Variants in SMIM31 observed in about 807,000 individuals in gnomAD.
SMIM31 encodes the protein small integral membrane protein 31, also known as human epithelial cell program regulator.
intron 1 of SMIM31, among the ~76,000 whole-genome samples, chr4:164,762,298 A>G (rs1304737701): frequency 6.6e-6 from 1 of 152,246 alleles, no homozygotes; most frequent in African/African-American, 2.4e-5. Flanking sequence ...ACCTAACATC[A>G]ACAGAAAGTC....
intron 1 of SMIM31, among the ~76,000 whole-genome samples, chr4:164,769,267 A>G (rs1732761062): frequency 6.6e-6 from 1 of 152,032 alleles, no homozygotes; most frequent in African/African-American, 2.4e-5. Flanking sequence ...CTGCTTCATC[A>G]CGTCTCCGTA....
At chr4:164,772,648 G>A (rs548973879) in intron 2 of SMIM31, among the ~76,000 whole-genome samples, 3 of 149,962 alleles carry the variant, frequency 2.0e-5, no homozygotes, top group Middle Eastern at 3.2e-3. Flanking sequence ...GCGCGATCTC[G>A]ACTCACTGCA....
At chr4:164,779,794 G>C (rs1164489582) in intron 2 of SMIM31, among the ~76,000 whole-genome samples, 1 of 152,124 alleles carries the variant, frequency 6.6e-6, no homozygotes, top group Non-Finnish European at 1.5e-5. Context: ...GGGATATAGA[G>C]GAATCAATAA....
intron 1 of SMIM31, among the ~76,000 whole-genome samples, chr4:164,767,651 G>A (rs4234975): frequency 0.46 from 70,433 of 151,778 alleles, 17,212 homozygotes; most frequent in Admixed American, 0.55. Flanking sequence ...GGCATCAGAA[G>A]CATCATCTTT....
chr4:164,799,195 G>T (rs1229785865), intron 2 of SMIM31, among the ~76,000 whole-genome samples: 1 of 151,942 alleles, frequency 6.6e-6, no homozygotes, highest in Non-Finnish European at 1.5e-5. Flanking sequence ...AGACCAGCCT[G>T]GGCAACATAA....
intron 2 of SMIM31, among the ~76,000 whole-genome samples, chr4:164,783,205 A>G (rs6819771): frequency 0.56 from 78,767 of 139,530 alleles, 22,645 homozygotes; most frequent in Non-Finnish European, 0.63. Flanking sequence ...GCAACATAGC[A>G]AGACTCTGTC....
intron 1 of SMIM31, among the ~76,000 whole-genome samples, chr4:164,757,648 C>G (rs1032727429): frequency 6.6e-6 from 1 of 151,308 alleles, no homozygotes; most frequent in East Asian, 1.9e-4. Flanking sequence ...AATGTCTCAT[C>G]GTTCCACCAC....
At chr4:164,795,330 G>A (rs1425630488) in intron 2 of SMIM31, among the ~76,000 whole-genome samples, 1 of 152,158 alleles carries the variant, frequency 6.6e-6, no homozygotes, top group Non-Finnish European at 1.5e-5. Context: ...GGCCAAGGCT[G>A]GTGGATCACC....
chr4:164,774,650 C>CA (rs1266843548), intron 2 of SMIM31, among the ~76,000 whole-genome samples: 5 of 152,166 alleles, frequency 3.3e-5, no homozygotes, highest in Admixed American at 1.3e-4. Flanking sequence ...CTCCCCAACC[C>CA]ACCCACATCA....
chr4:164,776,685 G>A (rs1464119166), intron 2 of SMIM31, among the ~76,000 whole-genome samples: 1 of 152,132 alleles, frequency 6.6e-6, no homozygotes, highest in Admixed American at 6.5e-5. Flanking sequence ...TTTAACCACT[G>A]CTCATCCCAG....
At chr4:164,777,018 C>G (rs1348924700) in intron 2 of SMIM31, among the ~76,000 whole-genome samples, 1 of 152,154 alleles carries the variant, frequency 6.6e-6, no homozygotes, top group East Asian at 1.9e-4. Context: ...GAATCACAGG[C>G]TGATTTACGC....
At chr4:164,793,029 TA>T (rs1184388367) in intron 2 of SMIM31, among the ~76,000 whole-genome samples, 8 of 152,116 alleles carry the variant, frequency 5.3e-5, no homozygotes, top group Admixed American at 2.0e-4. Context: ...TATGCAGCCA[TA>T]AAAAAAGAAC....
intron 2 of SMIM31, among the ~76,000 whole-genome samples, chr4:164,799,300 G>A (rs866082012): frequency 3.7e-4 from 56 of 151,984 alleles, no homozygotes; most frequent in African/African-American, 1.3e-3. Flanking sequence ...TGGGAGGATC[G>A]CTTGAGTCCA....
At chr4:164,765,622 C>CAAAAAAAAAAA (rs770082226) in intron 1 of SMIM31, among the ~76,000 whole-genome samples, 1 of 100,930 alleles carries the variant, frequency 9.9e-6, no homozygotes, top group Non-Finnish European at 1.9e-5. Context: ...TACTTTGTCT[C>CAAAAAAAAAAA]AGAAAAAAAA....
At chr4:164,780,166 A>G (rs759083469) in intron 2 of SMIM31, among the ~76,000 whole-genome samples, 58 of 152,270 alleles carry the variant, frequency 3.8e-4, no homozygotes, top group Admixed American at 5.2e-4. Flanking sequence ...GGTGGCTCAC[A>G]CCTATAATCC....
chr4:164,790,614 T>C (rs1050121735), intron 2 of SMIM31, among the ~76,000 whole-genome samples: 1 of 152,078 alleles, frequency 6.6e-6, no homozygotes, highest in South Asian at 2.1e-4. Flanking sequence ...GTGACTAAAT[T>C]TGGACAAAAA....
chr4:164,786,553 T>C (rs1256287547), intron 2 of SMIM31, among the ~76,000 whole-genome samples: 1 of 152,238 alleles, frequency 6.6e-6, no homozygotes, highest in Non-Finnish European at 1.5e-5. Flanking sequence ...TTAGCTTTTA[T>C]GTATATTTTG....
Position 164,801,444 on chromosome 4 carries a change from A to T in SMIM31, c.*250A>T. The T allele has an allele frequency of 3.3e-6, 1 of 300,740 alleles. No individual in the cohort carries two copies. The highest frequency in any genetic ancestry group is 6.0e-6 in the Non-Finnish European group (1 of 165,292). The allele number at this position is 300,740 out of a possible 1,614,324, so 18.6% of individuals were successfully genotyped here. On this transcript the variant is annotated 3_prime_UTR_variant, in exon 3 of 3. Coordinates refer to ENST00000507311, the MANE Select transcript of SMIM31 (RefSeq NM_001352885.1). ...AGCTGCAATTGATTATACAAAAAAA[A>T]AAAGACCAAAGTGGTTACAATAATA...
intron 1 of SMIM31, among the ~76,000 whole-genome samples, chr4:164,755,541 G>GAGGGA (rs1732548844): frequency 4.6e-4 from 3 of 6,524 alleles, no homozygotes; most frequent in African/African-American, 1.4e-3. Flanking sequence ...GAGAGGAGAG[G>GAGGGA]AGGGGAGGGG....
Sources: gnomAD v4.1 joint callset for allele counts (sites outside exome capture counted in the v4.1 genomes callset) on GRCh38, gnomAD v4.1.1 for gene constraint, MANE v1.5 for transcripts, NCBI Gene and HGNC (gene_info 2026-07-23, HGNC 2026-07-21) for gene names.